DYNC2H1: variants seen among roughly 807,000 people sequenced by gnomAD.
The protein encoded by DYNC2H1 is cytoplasmic dynein 2 heavy chain 1.
A neutral mutation model predicts 570.0 loss-of-function variants in DYNC2H1; 410 were observed. The observed-to-expected ratio is 0.72, with a 90% CI of 0.66 to 0.78. The LOEUF is 0.78. DYNC2H1 is among the 30% of genes least tolerant of loss of function. DYNC2H1 has a pLI of 0.00. For synonymous variants in DYNC2H1, 1,688 were observed against 1,677.6 expected (o/e 1.01, Z -0.15); for missense variants, 4,865 against 5,046.4 (o/e 0.96, Z 1.09).
chr11:103,425,490 A>G (rs913999509), intron 84 of DYNC2H1, among the ~76,000 whole-genome samples: 3 of 151,994 alleles, frequency 2.0e-5, no homozygotes, highest in Non-Finnish European at 4.4e-5. Flanking sequence ...ATGAGGGTGA[A>G]GCCTCATAAC....
At chr11:103,419,202 A>G (rs950381656) in intron 84 of DYNC2H1, among the ~76,000 whole-genome samples, 1 of 152,188 alleles carries the variant, frequency 6.6e-6, no homozygotes, top group African/African-American at 2.4e-5. Context: ...TAGCCATTCC[A>G]GCCTGCTGGC....
chr11:103,410,687 T>C (rs1943050188), intron 84 of DYNC2H1, among the ~76,000 whole-genome samples: 1 of 152,120 alleles, frequency 6.6e-6, no homozygotes. Context: ...GCCACATTCG[T>C]AGTATGTTTT....
intron 22 of DYNC2H1, 82 bp downstream of exon 22, chr11:103,153,590 T>C (rs1860674276): frequency 1.6e-5 from 20 of 1,216,282 alleles, no homozygotes; most frequent in Admixed American, 2.7e-5. Flanking sequence ...TTATGTCTGT[T>C]ATCTTGATAA....
chr11:103,170,056 G>T lies in DYNC2H1; in HGVS notation c.4969-52G>T. On this transcript the variant is annotated intron_variant, in intron 32 of 88. Transcript: ENST00000375735. The surrounding 1 kb of genome is among the most constrained non-coding windows in gnomAD (Gnocchi z 4.8). ...ACAATCTCATGCTGTAAAAATATTT[G>T]TAAATGTTGAATAGAACATGAATAC... 1 of 1,395,468 alleles carries T rather than the reference G, an allele frequency of 7.2e-7. No homozygotes were observed. The highest frequency in any genetic ancestry group is 2.4e-5 in the Admixed American group (1 of 40,966). 86.4% of individuals were successfully genotyped at this position (1,395,468 alleles called of 1,614,324 possible). A position where few individuals can be genotyped will look rare whatever the true frequency, so the allele number is the denominator to read the frequency against.
rs11392425 is a variant in DYNC2H1 at position 103,304,560 on chromosome 11, G to GT, written c.11257-30dup. The GT allele has an allele frequency of 0.15, 247,046 of 1,598,206 alleles. 20,905 individuals are homozygous for GT. Among genetic ancestry groups the GT allele is most frequent in the Admixed American group, 0.3 (17,669 of 58,636 alleles). ...TATATTACAACATGTTAGCAGATCT[G>GT]TTTTTAAATTTTGTTTGTTTTTTTG... On this transcript the variant is annotated intron_variant, in intron 76 of 88. Transcript: ENST00000375735.
chr11:103,305,003 T>C lies in DYNC2H1; in HGVS notation c.11382+283T>C, dbSNP rs1313551686. 1.3e-5 allele frequency among the ~76,000 whole-genome samples: 2 copies of C among 152,136 alleles called. No homozygotes were observed. Among genetic ancestry groups the C allele is most frequent in the East Asian group, 3.9e-4 (2 of 5,192 alleles). On this transcript the variant is annotated intron_variant, in intron 77 of 88. Coordinates refer to ENST00000375735, the MANE Select transcript of DYNC2H1 (RefSeq NM_001377.3). The surrounding 1 kb of genome is among the most constrained non-coding windows in gnomAD (Gnocchi z 4.3). ...AGACATATTTATACCATGAGTTTCT[T>C]TTTTTGCTCTTATTCTGTTGATCTG...
chr11:103,189,942 A>G lies in DYNC2H1; in HGVS notation c.7437+126A>G. The stretch of plus-strand genomic sequence containing the variant: ...CCTGTTTATTAGACTTTTCTAGTAG[A>G]GAGTAACTGTGAAGACAGGTGCTGT... On this transcript the variant is annotated intron_variant, in intron 45 of 88. Coordinates refer to ENST00000375735, the MANE Select transcript of DYNC2H1 (RefSeq NM_001377.3). The surrounding 1 kb of genome is among the most constrained non-coding windows in gnomAD (Gnocchi z 4.3). 1 of 969,198 alleles carries G rather than the reference A, an allele frequency of 1.0e-6. No individual in the cohort carries two copies. Among genetic ancestry groups the G allele is most frequent in the Non-Finnish European group, 1.5e-6 (1 of 672,578 alleles). The allele number at this position is 969,198 out of a possible 1,614,324, so 60.0% of individuals were successfully genotyped here. A position where few individuals can be genotyped will look rare whatever the true frequency, so the allele number is the denominator to read the frequency against.
At chr11:103,356,887 T>C (rs1192525285) in intron 82 of DYNC2H1, among the ~76,000 whole-genome samples, 1 of 152,108 alleles carries the variant, frequency 6.6e-6, no homozygotes, top group Non-Finnish European at 1.5e-5. Flanking sequence ...GAAATATAGT[T>C]CAATATGTTA....
At chr11:103,221,951 C>G in intron 57 of DYNC2H1, 79 bp from the exon 58 acceptor site, 1 of 1,471,624 alleles carries the variant, frequency 6.8e-7, no homozygotes. Flanking sequence ...ATTGCATACA[C>G]CATTTTGTTA....
At chr11:103,177,000 C>T (rs1347412792) in intron 37 of DYNC2H1, among the ~76,000 whole-genome samples, 1 of 152,158 alleles carries the variant, frequency 6.6e-6, no homozygotes, top group Non-Finnish European at 1.5e-5. Flanking sequence ...GCCACCGCAT[C>T]TGGCCATCCA....
At chr11:103,358,827 T>C (rs767650169) in intron 83 of DYNC2H1, among the ~76,000 whole-genome samples, 3 of 152,166 alleles carry the variant, frequency 2.0e-5, no homozygotes, top group Non-Finnish European at 2.9e-5. Flanking sequence ...TTATGTAATA[T>C]AGCTATTTAT....
chr11:103,297,354 A>G (rs1175706654), intron 75 of DYNC2H1, among the ~76,000 whole-genome samples: 1 of 152,146 alleles, frequency 6.6e-6, no homozygotes, highest in Non-Finnish European at 1.5e-5. Context: ...TGTGTTGTTA[A>G]ACAGTTGTTT....
intron 84 of DYNC2H1, among the ~76,000 whole-genome samples, chr11:103,413,454 A>T (rs923222546): frequency 5.3e-5 from 8 of 152,144 alleles, no homozygotes; most frequent in Non-Finnish European, 1.0e-4. Flanking sequence ...TGATACTCTC[A>T]TCCTGCTTTT....
chr11:103,327,189 C>A (rs1938544300), intron 82 of DYNC2H1, among the ~76,000 whole-genome samples: 3 of 152,040 alleles, frequency 2.0e-5, no homozygotes, highest in Admixed American at 2.0e-4. Context: ...GTGTTTTCTT[C>A]CCCAAGATCT....
At chr11:103,386,079 A>G (rs191213059) in intron 83 of DYNC2H1, among the ~76,000 whole-genome samples, 107 of 152,366 alleles carry the variant, frequency 7.0e-4, no homozygotes, top group Middle Eastern at 6.8e-3. Flanking sequence ...CTTTCTGAAT[A>G]ATCATGCCTT....
chr11:103,202,900 G>T (rs1862779754), intron 50 of DYNC2H1, among the ~76,000 whole-genome samples: 1 of 152,104 alleles, frequency 6.6e-6, no homozygotes, highest in Non-Finnish European at 1.5e-5. Flanking sequence ...GACTAAAGTT[G>T]TAGTCTTAAT....
rs559375392 is a variant in DYNC2H1 at position 103,275,843 on chromosome 11, T to G, written c.10696-4505T>G. On this transcript the variant is annotated intron_variant, in intron 70 of 88. Transcript: ENST00000375735. This position sits in a 1 kb window ranked among gnomAD's most constrained non-coding sequence, Gnocchi z 4.8. ...GTAAACATCCATATGCAGGTTTTTG[T>G]GTAGACATAACATTTCAACACATTT... Among the ~76,000 whole-genome samples, 2 of 152,340 alleles carry G rather than the reference T, an allele frequency of 1.3e-5. No individual in the cohort carries two copies. The highest frequency in any genetic ancestry group is 4.8e-5 in the African/African-American group (2 of 41,592).
At position 103,275,657 on chromosome 11, in the gene DYNC2H1, C is replaced by T. The variant is rs776035590; in HGVS notation, c.10696-4691C>T. On this transcript the variant is annotated intron_variant, in intron 70 of 88. Transcript: ENST00000375735. This position sits in a 1 kb window ranked among gnomAD's most constrained non-coding sequence, Gnocchi z 4.8. The stretch of plus-strand genomic sequence containing the variant: ...TTGTCTTCTTTCACTTACTATTGTA[C>T]GTTTAAGGTTCTTTCATGTTTTTTT... Among the ~76,000 whole-genome samples, 3 of 151,942 alleles carry T rather than the reference C, an allele frequency of 2.0e-5. No individual in the cohort carries two copies. Among genetic ancestry groups the T allele is most frequent in the African/African-American group, 4.8e-5 (2 of 41,376 alleles).
rs1329505036 is a variant in DYNC2H1, at chr11:103,446,410, A to T, written c.12457-8776A>T. Among the ~76,000 whole-genome samples the T allele has an allele frequency of 6.6e-6, 1 of 152,226 alleles. No homozygotes were observed. The highest frequency in any genetic ancestry group is 2.4e-5 in the African/African-American group (1 of 41,468). On this transcript the variant is annotated intron_variant, in intron 85 of 88. Coordinates refer to ENST00000375735, the MANE Select transcript of DYNC2H1 (RefSeq NM_001377.3). The surrounding 1 kb of genome is among the most constrained non-coding windows in gnomAD (Gnocchi z 4.5). ...AGAGAATAAAGTGTTCTTAAAGGTC[A>T]GAATTATCAACTATGTCAAATGCTG...
Sources: allele counts gnomAD v4.1 joint callset (sites outside exome capture counted in the v4.1 genomes callset), GRCh38; gene constraint gnomAD v4.1.1; non-coding constraint Gnocchi (gnomAD v3.1); transcripts MANE v1.5; gene names NCBI Gene and HGNC (gene_info 2026-07-23, HGNC 2026-07-21).